Variants in SUN5 observed in about 807,000 individuals in gnomAD.
SUN5 encodes Sad1 and UNC84 domain containing 5.
SUN5 carries 44 observed loss-of-function variants against 53.7 expected under a neutral mutation model. The ratio of observed to expected loss-of-function variants is 0.82; its 90% CI spans 0.64 to 1.05. The LOEUF (loss-of-function observed/expected upper bound fraction) is 1.05. Ranked by LOEUF, SUN5 falls within the 50% of genes least tolerant of loss-of-function variation. The probability of loss-of-function intolerance (pLI) is 0.00; values close to 1 mark genes in which losing one functional copy is unlikely to be tolerated. For missense variants in SUN5, 433 were observed against 483.8 expected (o/e 0.90, Z 0.98); for synonymous variants, 166 against 179.8 (o/e 0.92, Z 0.62).
rs371703667 is a variant in SUN5, at chr20:32,985,913, G to C, written c.730-10C>G. On this transcript the variant is annotated splice_polypyrimidine_tract_variant and intron_variant, in intron 10 of 12. Transcript: ENST00000356173. ...CAGGTGTCACGTTGGGCTAGAAGAG[G>C]CAAGTACAATAAGGGATATGCTGGG... 49 of 1,612,898 alleles carry C rather than the reference G, an allele frequency of 3.0e-5. No individual in the cohort carries two copies. The African/African-American group carries it at 4.4e-4, about 14-fold the overall frequency.
At chr20:32,992,128 C>CA (rs1284521760) in intron 8 of SUN5, among the ~76,000 whole-genome samples, 3 of 152,304 alleles carry the variant, frequency 2.0e-5, no homozygotes, top group Non-Finnish European at 4.4e-5. Context: ...GCCCTGGAGA[C>CA]AGCAGCAATA....
chr20:32,984,855 G>A (rs1989491486), intron 12 of SUN5, among the ~76,000 whole-genome samples: 1 of 152,256 alleles, frequency 6.6e-6, no homozygotes, highest in Admixed American at 6.5e-5. Context: ...AACACAGCAA[G>A]AGGGCTCCTG....
intron 3 of SUN5, 82 bp from the exon 4 acceptor site, chr20:33,001,360 TG>T: frequency 1.3e-6 from 2 of 1,493,096 alleles, no homozygotes; most frequent in South Asian, 1.2e-5. Context: ...TTTCTGGGGC[TG>T]GGGGAGGCCC....
rs1484438874 is a variant in SUN5 at position 32,985,866 on chromosome 20, C to T, written c.767G>A (p.Gly256Asp). 3 of 1,614,080 alleles carry T rather than the reference C, an allele frequency of 1.9e-6. No individual in the cohort carries two copies. Among genetic ancestry groups the T allele is most frequent in the Non-Finnish European group, 2.5e-6 (3 of 1,179,960 alleles). The change falls in exon 11 of 13, where the codon GGT (glycine) becomes GAT (aspartate). Residue 256 changes from glycine (G) to aspartate (D), a missense_variant. Physicochemically the swap from Gly to Asp is moderately conservative, Grantham distance 94. Coordinates refer to ENST00000356173, the MANE Select transcript of SUN5 (RefSeq NM_080675.4). The part of the protein sequence containing the change: ...VTPGNCWAFE[G>D]DRGQVTIQLA... Reference sequence around the variant, plus strand: ...TTGGATGGTCACCTGGCCGCGGTCACCCTCAAAGGCCCAGCAATTGCCAGG... The same window carrying T: ...TTGGATGGTCACCTGGCCGCGGTCATCCTCAAAGGCCCAGCAATTGCCAGG...
intron 1 of SUN5, among the ~76,000 whole-genome samples, chr20:33,003,225 C>T (rs993092069): frequency 3.9e-5 from 6 of 152,060 alleles, no homozygotes; most frequent in Non-Finnish European, 7.3e-5. Flanking sequence ...TTTGATTGGT[C>T]GAAGCCTGCT....
At chr20:32,986,427 G>A (rs1295065593) in intron 10 of SUN5, among the ~76,000 whole-genome samples, 1 of 152,188 alleles carries the variant, frequency 6.6e-6, no homozygotes, top group Non-Finnish European at 1.5e-5. Flanking sequence ...CCCAGGGAGA[G>A]AAAGAGGTTT....
chr20:32,996,961 T>C (rs1249745516), intron 6 of SUN5, among the ~76,000 whole-genome samples: 1 of 152,174 alleles, frequency 6.6e-6, no homozygotes, highest in African/African-American at 2.4e-5. Flanking sequence ...TAAACATTGC[T>C]GGGGTGAATA....
rs774896205 is a variant in SUN5 at position 32,985,806 on chromosome 20, A to G, written c.827T>C (p.Leu276Pro). ...TGAGATGGTCTTGGGGATGTGCTGC[A>G]GCGTGAGGTTGGACAGGTAAACCTT... ...AQKVYLSNLT[L>P]QHIPKTISLS... The change falls in exon 11 of 13, where the codon CTG (leucine) becomes CCG (proline). Residue 276 changes from leucine to proline, a missense_variant. Leu to Pro is a moderately conservative substitution (Grantham distance 98). Transcript: ENST00000356173. The G allele has an allele frequency of 1.2e-6, 2 of 1,614,164 alleles. No individual in the cohort carries two copies. The highest frequency in any genetic ancestry group is 1.7e-6 in the Non-Finnish European group (2 of 1,180,002).
At position 32,985,148 on chromosome 20, in the gene SUN5, C is replaced by T; in HGVS notation, c.935G>A (p.Gly312Glu). ...EGSPKEEVFL[G>E]AFQFQPENII... is the part of the protein sequence containing the mutation. The stretch of plus-strand genomic sequence containing the variant: ...GTTTTCTGGCTGAAACTGAAATGCC[C>T]CCAGGAACACCTCCTCCTTGGGGGA... The change falls in exon 12 of 13, where the codon GGG (glycine) becomes GAG (glutamate). Residue 312 changes from glycine to glutamate, a missense_variant. Transcript: ENST00000356173. 1 of 1,614,012 alleles carries T rather than the reference C, an allele frequency of 6.2e-7. No individual in the cohort carries two copies.
At chr20:32,988,062 A>G (rs568306937) in intron 9 of SUN5, among the ~76,000 whole-genome samples, 6 of 152,126 alleles carry the variant, frequency 3.9e-5, no homozygotes, top group South Asian at 4.2e-4. Flanking sequence ...GGTTAAAGCA[A>G]TTCTCATGGT....
intron 5 of SUN5, among the ~76,000 whole-genome samples, chr20:32,999,648 G>A (rs1271834045): frequency 2.6e-5 from 4 of 152,110 alleles, no homozygotes; most frequent in Admixed American, 6.5e-5. Flanking sequence ...AAAGTGGGAC[G>A]GTTCTCTAGG....
intron 12 of SUN5, among the ~76,000 whole-genome samples, chr20:32,984,182 T>G (rs1989471233): frequency 6.6e-6 from 1 of 152,214 alleles, no homozygotes; most frequent in Non-Finnish European, 1.5e-5. Context: ...CTGGCCTTAA[T>G]GCTGTGGGAT....
At chr20:32,994,821 C>T (rs1033603497) in intron 8 of SUN5, among the ~76,000 whole-genome samples, 5 of 151,472 alleles carry the variant, frequency 3.3e-5, no homozygotes, top group African/African-American at 1.2e-4. Context: ...ACCCAGGAGG[C>T]AGAGGTTGCA....
intron 9 of SUN5, among the ~76,000 whole-genome samples, chr20:32,988,283 A>G (rs890693427): frequency 3.3e-5 from 5 of 152,178 alleles, no homozygotes; most frequent in African/African-American, 1.2e-4. Flanking sequence ...AGTGTCACTC[A>G]GGGGCTGGGC....
At chr20:32,986,485 C>A (rs1989543235) in intron 10 of SUN5, among the ~76,000 whole-genome samples, 1 of 152,192 alleles carries the variant, frequency 6.6e-6, no homozygotes, top group Non-Finnish European at 1.5e-5. Context: ...TTCTGAGCTT[C>A]TGGAGCCATG....
At chr20:32,990,683 C>G (rs925493321) in intron 8 of SUN5, among the ~76,000 whole-genome samples, 1 of 152,188 alleles carries the variant, frequency 6.6e-6, no homozygotes, top group Admixed American at 6.5e-5. Flanking sequence ...GTAACTGAGT[C>G]CCAGTTGATA....
At chr20:33,001,641 T>TTCTCCCTCCCTC (rs1990040530) in intron 3 of SUN5, among the ~76,000 whole-genome samples, 1 of 67,446 alleles carries the variant, frequency 1.5e-5, no homozygotes, top group African/African-American at 5.9e-5. Flanking sequence ...TTCTTTCTTT[T>TTCTCCCTCCCTC]CCTCCCTCCC....
intron 5 of SUN5, 199 bp downstream of exon 5, chr20:32,999,875 T>C (rs1301887613): frequency 6.5e-7 from 1 of 1,529,902 alleles, no homozygotes; most frequent in Non-Finnish European, 8.8e-7. Context: ...GGGAGAGCTT[T>C]ATAACTTCTG....
At chr20:32,995,818 G>T in intron 7 of SUN5, 91 bp from the exon 8 acceptor site, 2 of 1,196,718 alleles carry the variant, frequency 1.7e-6, no homozygotes, top group East Asian at 2.3e-5. Flanking sequence ...GGCTCTCAAA[G>T]AATGAGTTTC....
Sources: allele counts gnomAD v4.1 joint callset (sites outside exome capture counted in the v4.1 genomes callset), GRCh38; gene constraint gnomAD v4.1.1; transcripts MANE v1.5; gene names NCBI Gene and HGNC (gene_info 2026-07-23, HGNC 2026-07-21).